MARK1: variants seen among roughly 807,000 people sequenced by gnomAD.
MARK1 encodes microtubule affinity regulating kinase 1.
In MARK1, 40 loss-of-function variants were observed where a neutral mutation model predicts 96.3. That is an observed-to-expected ratio of 0.42 (90% CI 0.32 to 0.54). MARK1 has a LOEUF of 0.54. Ranked by LOEUF, MARK1 falls within the 20% of genes least tolerant of loss-of-function variation. MARK1 has a pLI of 0.16. For synonymous variants in MARK1, 317 were observed against 341.2 expected (o/e 0.93, Z 0.78); for missense variants, 719 against 984.6 (o/e 0.73, Z 3.61).
intron 1 of MARK1, among the ~76,000 whole-genome samples, chr1:220,545,607 T>C (rs1661439909): frequency 6.6e-6 from 1 of 152,030 alleles, no homozygotes; most frequent in African/African-American, 2.4e-5. Flanking sequence ...TGGCTAATTT[T>C]TGTATTTTTT....
chr1:220,586,454 T>A (rs1253027536), intron 3 of MARK1, among the ~76,000 whole-genome samples: 1 of 152,188 alleles, frequency 6.6e-6, no homozygotes, highest in African/African-American at 2.4e-5. Context: ...CCACTTACCC[T>A]CCATAAAATC....
At chr1:220,538,326 A>G (rs1266105257) in intron 1 of MARK1, among the ~76,000 whole-genome samples, 1 of 151,688 alleles carries the variant, frequency 6.6e-6, no homozygotes, top group African/African-American at 2.4e-5. Context: ...ACCATTTATT[A>G]AATAGGGAAT....
rs979174972 is a variant in MARK1 at position 220,614,594 on chromosome 1, A to G, written c.496-1345A>G. 4.8e-4 allele frequency among the ~76,000 whole-genome samples: 73 copies of G among 151,828 alleles called. 2 individuals are homozygous for G. The highest frequency in any genetic ancestry group is 8.8e-5 in the Non-Finnish European group (6 of 67,940). ...TCTATATATAATAATATATACCTCC[A>G]TAATACAAGGTATATAGAGAATATA... is the stretch of plus-strand genomic sequence containing the variant. On this transcript the variant is annotated intron_variant, in intron 6 of 17. Coordinates refer to ENST00000366917, the MANE Select transcript of MARK1 (RefSeq NM_018650.5).
At chr1:220,592,287 G>C (rs941666120) in intron 3 of MARK1, among the ~76,000 whole-genome samples, 2 of 146,636 alleles carry the variant, frequency 1.4e-5, no homozygotes, top group Non-Finnish European at 3.0e-5. Flanking sequence ...CTTGCTAGCA[G>C]ACTTGCTCTA....
intron 2 of MARK1, 142 bp downstream of exon 2, chr1:220,579,699 G>T: frequency 1.5e-6 from 1 of 646,828 alleles, no homozygotes; most frequent in Non-Finnish European, 2.7e-6. Flanking sequence ...ACATTAGTAG[G>T]CAGAGGTTTA....
intron 1 of MARK1, among the ~76,000 whole-genome samples, chr1:220,534,417 A>C (rs1017359507): frequency 6.6e-6 from 1 of 152,078 alleles, no homozygotes; most frequent in Non-Finnish European, 1.5e-5. Context: ...TATACTCATT[A>C]ATCAATCTCT....
At chr1:220,620,284 T>C (rs1666982231) in intron 9 of MARK1, among the ~76,000 whole-genome samples, 1 of 152,214 alleles carries the variant, frequency 6.6e-6, no homozygotes, top group Non-Finnish European at 1.5e-5. Flanking sequence ...TATCACTTAT[T>C]TTGAAAGCTT....
chr1:220,580,401 G>A (rs1572117164), intron 2 of MARK1, among the ~76,000 whole-genome samples: 1 of 151,950 alleles, frequency 6.6e-6, no homozygotes, highest in African/African-American at 2.4e-5. Flanking sequence ...ACTTGAGCCC[G>A]GGAGGTCAAG....
intron 1 of MARK1, among the ~76,000 whole-genome samples, chr1:220,568,078 T>C (rs1011273066): frequency 6.6e-6 from 1 of 152,208 alleles, no homozygotes; most frequent in African/African-American, 2.4e-5. Flanking sequence ...ATATAATAGA[T>C]ATGTTTGTTA....
intron 17 of MARK1, among the ~76,000 whole-genome samples, chr1:220,660,669 TGAAG>T (rs1669429655): frequency 1.3e-5 from 2 of 152,230 alleles, no homozygotes; most frequent in South Asian, 2.1e-4. Flanking sequence ...TTAACTTTGA[TGAAG>T]CTATGAAGGT....
intron 9 of MARK1, among the ~76,000 whole-genome samples, chr1:220,620,840 A>G (rs1029664600): frequency 8.5e-5 from 13 of 152,156 alleles, no homozygotes; most frequent in Non-Finnish European, 1.8e-4. Flanking sequence ...ATATTACTAT[A>G]CAAAGGCTGA....
chr1:220,632,595 G>A (rs1013294153), intron 11 of MARK1, among the ~76,000 whole-genome samples: 6 of 152,150 alleles, frequency 3.9e-5, no homozygotes, highest in African/African-American at 1.4e-4. Flanking sequence ...GCATCCAAAT[G>A]TAACAGTCCC....
intron 13 of MARK1, among the ~76,000 whole-genome samples, chr1:220,639,385 T>A (rs1668146629): frequency 6.6e-6 from 1 of 152,252 alleles, no homozygotes; most frequent in Admixed American, 6.5e-5. Context: ...ATTTCACTTA[T>A]AATAGTTTGG....
intron 13 of MARK1, among the ~76,000 whole-genome samples, chr1:220,644,341 A>G (rs948149935): frequency 1.8e-4 from 28 of 152,260 alleles, no homozygotes; most frequent in Non-Finnish European, 2.9e-4. Flanking sequence ...ATAATGGTAA[A>G]AGGTTCAATT....
At chr1:220,625,252 G>C (rs1486137705) in intron 9 of MARK1, among the ~76,000 whole-genome samples, 1 of 152,210 alleles carries the variant, frequency 6.6e-6, no homozygotes, top group East Asian at 1.9e-4. Flanking sequence ...AGTAACACTA[G>C]GATATAAGCA....
chr1:220,565,573 G>C (rs931892714), intron 1 of MARK1, among the ~76,000 whole-genome samples: 2 of 152,078 alleles, frequency 1.3e-5, no homozygotes, highest in Admixed American at 6.6e-5. Context: ...CGGGGGTCGG[G>C]GGGAGGGAGG....
At chr1:220,636,757 G>T (rs192575840) in intron 13 of MARK1, among the ~76,000 whole-genome samples, 2 of 151,980 alleles carry the variant, frequency 1.3e-5, no homozygotes, top group African/African-American at 2.4e-5. Flanking sequence ...CAGCGCAGAC[G>T]ACCTTAAAAG....
At chr1:220,636,170 T>G (rs1667954723) in intron 13 of MARK1, 144 bp downstream of exon 13, 1 of 556,404 alleles carries the variant, frequency 1.8e-6, no homozygotes, top group East Asian at 3.3e-5. Flanking sequence ...GGGACCACAC[T>G]TCTCATAAAT....
chr1:220,621,786 A>G (rs1034737720), intron 9 of MARK1, among the ~76,000 whole-genome samples: 1 of 152,130 alleles, frequency 6.6e-6, no homozygotes, highest in Non-Finnish European at 1.5e-5. Flanking sequence ...TTTTGCTAAT[A>G]TTGAAATTTG....
Sources: gnomAD v4.1 joint callset for allele counts (sites outside exome capture counted in the v4.1 genomes callset) on GRCh38, gnomAD v4.1.1 for gene constraint, MANE v1.5 for transcripts, NCBI Gene and HGNC (gene_info 2026-07-23, HGNC 2026-07-21) for gene names.